SMIM23: variants seen among roughly 807,000 people sequenced by gnomAD.
SMIM23 encodes small integral membrane protein 23, also known as CTB-78H18.1.
SMIM23 carries 10 observed loss-of-function variants against 12.8 expected under a neutral mutation model. That is an observed-to-expected ratio of 0.78 (90% CI 0.48 to 1.32). The LOEUF (loss-of-function observed/expected upper bound fraction) is 1.32, where lower values mean the gene tolerates loss of function less well. Ranked by LOEUF, SMIM23 falls within the 40% of genes most tolerant of loss-of-function variation. The pLI, the probability that SMIM23 is intolerant of heterozygous loss-of-function variation, is 0.00. For missense variants in SMIM23, 184 were observed against 198.2 expected, an observed-to-expected ratio of 0.93 and a Z score of 0.43; for synonymous variants, 78 against 80.1, an observed-to-expected ratio of 0.97 and a Z score of 0.14.
At chr5:171,789,882 A>C (rs1755890042) in intron 1 of SMIM23, among the ~76,000 whole-genome samples, 6 of 152,234 alleles carry the variant, frequency 3.9e-5, no homozygotes, top group Admixed American at 2.6e-4. Context: ...ATAGACATTC[A>C]TCAATACTCA....
upstream of SMIM23, among the ~76,000 whole-genome samples, chr5:171,780,295 T>C (rs903406309): frequency 1.3e-5 from 2 of 152,120 alleles, no homozygotes; most frequent in Admixed American, 1.3e-4. Context: ...TCTCTCTCCT[T>C]TCTCATCCTC....
At chr5:171,783,073 T>C (rs1463000684), upstream of SMIM23, among the ~76,000 whole-genome samples, 2 of 152,210 alleles carry the variant, frequency 1.3e-5, no homozygotes, top group Non-Finnish European at 2.9e-5. Flanking sequence ...CCAAAGAATA[T>C]GAAATATTTA....
rs1210671867 is a variant in SMIM23 at position 171,790,929 on chromosome 5, C to T, written c.360C>T (p.Asp120=). The T allele has an allele frequency of 6.5e-7, 1 of 1,536,080 alleles. No individual in the cohort carries two copies. The highest frequency in any genetic ancestry group is 8.7e-7 in the Non-Finnish European group (1 of 1,146,906). ...AGCAGCTGGAGCAGCTAGCGTGGGACCTGGAACTGTGGCTGGATGCTCTTC... is the reference window on the plus strand; with the variant it reads ...AGCAGCTGGAGCAGCTAGCGTGGGATCTGGAACTGTGGCTGGATGCTCTTC... The part of the protein sequence containing the change: ...EVQQLEQLAW[D]LELWLDALLG... Residue 120 remains aspartate, a synonymous_variant, in exon 4 of 4, where the codon GAC becomes GAT. Transcript: ENST00000523047.
intron 1 of SMIM23, among the ~76,000 whole-genome samples, chr5:171,786,488 G>C (rs1036882136): frequency 6.6e-6 from 1 of 152,264 alleles, no homozygotes; most frequent in African/African-American, 2.4e-5. Context: ...CAAAAGGGCC[G>C]TACAACTGGG....
the SMIM23 span, among the ~76,000 whole-genome samples, chr5:171,776,951 T>C: frequency 1.3e-5 from 2 of 152,096 alleles, no homozygotes; most frequent in African/African-American, 4.8e-5. Flanking sequence ...CTGCCGTTGA[T>C]TCATTTGTCT....
In SMIM23 at chr5:171,791,122, T is replaced by C. The variant is rs1755918227; in HGVS notation, c.*34T>C. On this transcript the variant is annotated 3_prime_UTR_variant, in exon 4 of 4. Transcript: ENST00000523047. ...GTTCCAGTCAGGCAAGAAAATAAAG[T>C]AGTTGGGAAATGAAGTCCGCTGTTC... The C allele has an allele frequency of 9.7e-6, 14 of 1,447,858 alleles. No homozygotes were observed. Among genetic ancestry groups the C allele is most frequent in the Non-Finnish European group, 1.3e-5 (14 of 1,107,014 alleles). 89.7% of individuals were successfully genotyped at this position (1,447,858 alleles called of 1,614,324 possible).
At chr5:171,783,171 A>T (rs1188456526), upstream of SMIM23, among the ~76,000 whole-genome samples, 1 of 152,250 alleles carries the variant, frequency 6.6e-6, no homozygotes, top group African/African-American at 2.4e-5. Flanking sequence ...GAAGACCTAA[A>T]TAAATGAAGA....
intron 3 of SMIM23, 89 bp downstream of exon 3, chr5:171,790,638 A>C: frequency 4.3e-6 from 6 of 1,408,298 alleles, no homozygotes; most frequent in Non-Finnish European, 4.8e-6. Flanking sequence ...ATGAAAGATA[A>C]GTAGTCGCTT....
the SMIM23 span, among the ~76,000 whole-genome samples, chr5:171,773,175 C>T: frequency 2.4e-4 from 36 of 152,312 alleles, no homozygotes; most frequent in Non-Finnish European, 4.1e-4. Flanking sequence ...TGACCTTAGG[C>T]GGGTCTCTTC....
At chr5:171,780,554 AT>A (rs978090326), upstream of SMIM23, among the ~76,000 whole-genome samples, 12 of 152,014 alleles carry the variant, frequency 7.9e-5, no homozygotes, top group East Asian at 1.9e-4. Flanking sequence ...TGTGACTGTA[AT>A]TTTTTTTACT....
chr5:171,776,486 A>C, the SMIM23 span, among the ~76,000 whole-genome samples: 1 of 152,146 alleles, frequency 6.6e-6, no homozygotes, highest in Non-Finnish European at 1.5e-5. Context: ...CCCGCGTTCA[A>C]CCAGGACTTC....
chr5:171,776,782 A>G, the SMIM23 span, among the ~76,000 whole-genome samples: 1 of 152,064 alleles, frequency 6.6e-6, no homozygotes. Context: ...CAACAACCCC[A>G]CTGGGGTTTC....
At chr5:171,773,335 C>G in the SMIM23 span, among the ~76,000 whole-genome samples, 3 of 110,706 alleles carry the variant, frequency 2.7e-5, no homozygotes, top group Non-Finnish European at 5.6e-5. Flanking sequence ...ACCAGTCTTA[C>G]GTCCACCATG....
chr5:171,773,707 G>T, the SMIM23 span: 2 of 449,134 alleles, frequency 4.5e-6, no homozygotes, highest in Non-Finnish European at 8.9e-6. Flanking sequence ...GAGCAGCCAG[G>T]CCCCATCTAA....
intron 1 of SMIM23, among the ~76,000 whole-genome samples, chr5:171,786,604 A>G (rs1755821253): frequency 6.6e-6 from 1 of 152,192 alleles, no homozygotes; most frequent in Admixed American, 6.5e-5. Context: ...GGATAAGAAG[A>G]AGCTGTTGAC....
At chr5:171,786,144 C>T (rs1374868717) in intron 1 of SMIM23, among the ~76,000 whole-genome samples, 168 bp downstream of exon 1, 1 of 152,176 alleles carries the variant, frequency 6.6e-6, no homozygotes, top group African/African-American at 2.4e-5. Context: ...TTGCCGGGGC[C>T]ATCACTGACA....
the SMIM23 span, among the ~76,000 whole-genome samples, chr5:171,775,330 C>A: frequency 6.6e-6 from 1 of 152,150 alleles, no homozygotes; most frequent in African/African-American, 2.4e-5. Flanking sequence ...CTGAGCATTC[C>A]CCCCAACCCC....
upstream of SMIM23, among the ~76,000 whole-genome samples, chr5:171,778,526 TA>T (rs770764840): frequency 7.9e-5 from 12 of 151,064 alleles, no homozygotes; most frequent in Non-Finnish European, 1.8e-4. Context: ...TAAGGCAATG[TA>T]ACCATGGAGG....
intron 1 of SMIM23, 93 bp downstream of exon 1, chr5:171,786,069 A>G: frequency 9.5e-7 from 1 of 1,049,214 alleles, no homozygotes; most frequent in Non-Finnish European, 1.4e-6. Context: ...CCCGGAATGA[A>G]TCTTGGACCC....
Sources: allele counts gnomAD v4.1 joint callset (sites outside exome capture counted in the v4.1 genomes callset), GRCh38; gene constraint gnomAD v4.1.1; transcripts MANE v1.5; gene names NCBI Gene and HGNC (gene_info 2026-07-23, HGNC 2026-07-21).